Variants in NT5C2 observed in about 807,000 individuals in gnomAD.
NT5C2 encodes the protein 5'-nucleotidase, cytosolic II.
Under a neutral mutation model 76.1 loss-of-function variants are expected in NT5C2, and 58 were observed. The observed-to-expected ratio is 0.76, with a 90% CI of 0.62 to 0.95. The LOEUF (loss-of-function observed/expected upper bound fraction) is 0.95. Among genes scored for constraint, NT5C2 ranks in the 40% least tolerant of loss-of-function variants. The pLI, the probability that NT5C2 is intolerant of heterozygous loss-of-function variation, is 0.00. For synonymous variants in NT5C2, 229 were observed against 237.4 expected (o/e 0.96, Z 0.32); for missense variants, 478 against 690.3 (o/e 0.69, Z 3.45).
At position 103,176,543 on chromosome 10, in the gene NT5C2, G is replaced by A. The variant is rs143384775; in HGVS notation, c.-24-1561C>T. On this transcript the variant is annotated intron_variant, in intron 2 of 18. Coordinates refer to ENST00000404739, the MANE Select transcript of NT5C2 (RefSeq NM_001351169.2). ...TGCTGTGTCTGCTGGCACTTGGGCT[G>A]AAAAGGCCACTGCCTCATCTAGGTT... is the stretch of plus-strand genomic sequence containing the variant. 5.1e-3 allele frequency among the ~76,000 whole-genome samples: 779 copies of A among 152,318 alleles called. 1 individual carries two copies. Among genetic ancestry groups the A allele is most frequent in the Non-Finnish European group, 7.5e-3 (507 of 68,028 alleles).
chr10:103,090,970 C>A lies in NT5C2; in HGVS notation c.1238G>T (p.Arg413Leu). ...YKHLDSSSNE[R>L]PDISSIQRRI... is the part of the protein sequence containing the mutation. ...TCTCTGGATGGAACTGATGTCTGGA[C>A]GCTCATTGCTACTGCTGTCAAGATG... The change falls in exon 17 of 19, where the codon CGT becomes CTT. Residue 413 changes from arginine (R) to leucine (L), a missense_variant. Arg to Leu is a moderately radical substitution (Grantham distance 102). Coordinates refer to ENST00000404739, the MANE Select transcript of NT5C2 (RefSeq NM_001351169.2). 6.2e-7 allele frequency: 1 copy of A among 1,613,824 alleles called. No homozygotes were observed. Among genetic ancestry groups the A allele is most frequent in the East Asian group, 2.2e-5 (1 of 44,890 alleles).
At chr10:103,191,104 G>A (rs932131286) in intron 1 of NT5C2, among the ~76,000 whole-genome samples, 3 of 152,194 alleles carry the variant, frequency 2.0e-5, no homozygotes, top group Admixed American at 6.5e-5. Context: ...AGAGAATTAA[G>A]CAACAGGGTC....
intron 1 of NT5C2, among the ~76,000 whole-genome samples, chr10:103,184,818 TGTTCTCC>T (rs2091802256): frequency 6.6e-6 from 1 of 152,236 alleles, no homozygotes; most frequent in Non-Finnish European, 1.5e-5. Context: ...AAAGCTTCCT[TGTTCTCC>T]GAAGGAAAAA....
chr10:103,173,320 T>C (rs762201976), intron 3 of NT5C2, among the ~76,000 whole-genome samples: 67 of 152,056 alleles, frequency 4.4e-4, no homozygotes, highest in Non-Finnish European at 9.6e-4. Context: ...AAATATCAAT[T>C]AATAATTTCA....
rs999622324 is a variant in NT5C2, at chr10:103,111,603, G to A, written c.176-4897C>T. The A allele has an allele frequency of 2.1e-5, 10 of 487,434 alleles. 1 individual carries two copies. Among genetic ancestry groups the A allele is most frequent in the Admixed American group, 8.8e-5 (2 of 22,776 alleles). The allele number at this position is 487,434 out of a possible 1,614,324, so 30.2% of individuals were successfully genotyped here. A position where few individuals can be genotyped will look rare whatever the true frequency, so the allele number is the denominator to read the frequency against. On this transcript the variant is annotated intron_variant, in intron 4 of 18. Coordinates refer to ENST00000404739, the MANE Select transcript of NT5C2 (RefSeq NM_001351169.2). ...TGGAATGAGCAGAAAACTTTCTGCA[G>A]AGAAGTTTGGAATTCTCATGCACTT... is the stretch of plus-strand genomic sequence containing the variant.
intron 4 of NT5C2, among the ~76,000 whole-genome samples, chr10:103,126,727 A>T (rs1432592170): frequency 6.6e-6 from 1 of 152,248 alleles, no homozygotes; most frequent in African/African-American, 2.4e-5. Flanking sequence ...TTTCATATAT[A>T]AACTCATCTG....
chr10:103,172,105 G>T (rs1173518347), intron 3 of NT5C2, among the ~76,000 whole-genome samples: 1 of 151,972 alleles, frequency 6.6e-6, no homozygotes, highest in East Asian at 1.9e-4. Context: ...AGCTACTCGG[G>T]ACGGTGAGGC....
intron 2 of NT5C2, among the ~76,000 whole-genome samples, chr10:103,175,287 C>T (rs375557896): frequency 2.0e-5 from 3 of 152,162 alleles, no homozygotes; most frequent in Admixed American, 6.5e-5. Context: ...AACCACAGCA[C>T]AGCAGTTTGT....
At chr10:103,094,559 C>A in intron 12 of NT5C2, 104 bp from the exon 13 acceptor site, 1 of 677,008 alleles carries the variant, frequency 1.5e-6, no homozygotes, top group Non-Finnish European at 2.7e-6. Context: ...CTAAGTATAG[C>A]CAGAAGATCC....
At chr10:103,169,072 T>A (rs151054320) in intron 3 of NT5C2, among the ~76,000 whole-genome samples, 234 of 152,262 alleles carry the variant, frequency 1.5e-3, no homozygotes, top group African/African-American at 5.1e-3. Flanking sequence ...GATGACTACA[T>A]CATGATGAGT....
At chr10:103,105,023 T>C (rs538220175) in intron 6 of NT5C2, among the ~76,000 whole-genome samples, 1 of 152,274 alleles carries the variant, frequency 6.6e-6, no homozygotes, top group South Asian at 2.1e-4. Flanking sequence ...AGTTGTCAAA[T>C]TGTGGCATTA....
intron 4 of NT5C2, among the ~76,000 whole-genome samples, chr10:103,129,562 C>G (rs1480645352): frequency 1.0e-5 from 1 of 99,538 alleles, no homozygotes; most frequent in African/African-American, 4.3e-5. Flanking sequence ...CCGCCCCGTC[C>G]GGGAGGGAGG....
At chr10:103,112,313 GTCATTATCAAGATTCTAGTCA>G (rs1381514703) in intron 4 of NT5C2, among the ~76,000 whole-genome samples, 5 of 152,046 alleles carry the variant, frequency 3.3e-5, no homozygotes, top group Non-Finnish European at 5.9e-5. Flanking sequence ...TACTAGGTTA[GTCATTATCAAGATTCTAGTCA>G]TCATTATCAA....
At chr10:103,184,229 T>A (rs10748838) in intron 1 of NT5C2, among the ~76,000 whole-genome samples, 62,121 of 151,992 alleles carry the variant, frequency 0.41, 12,887 homozygotes, top group East Asian at 0.53. Context: ...TACAGGAATG[T>A]GCCACCGTGC....
At chr10:103,189,552 G>A (rs1305108177) in intron 1 of NT5C2, among the ~76,000 whole-genome samples, 3 of 148,242 alleles carry the variant, frequency 2.0e-5, no homozygotes, top group Admixed American at 2.0e-4. Flanking sequence ...GCTGCAGTGA[G>A]CCGAGATCGC....
intron 6 of NT5C2, chr10:103,105,449 G>C: frequency 1.5e-6 from 1 of 657,052 alleles, no homozygotes; most frequent in Non-Finnish European, 2.3e-6. Context: ...AAGTTCTTCT[G>C]GGCAAGTTTT....
Position 103,090,610 on chromosome 10 carries a change from C to T in NT5C2, c.1449+1G>A, listed in dbSNP as rs1236964752. ...GGCTGTCCATTACAGCTTTAACTCA[C>T]CAAGACATGGGCAGCCCTGAAGAGG... On this transcript the variant is annotated splice_donor_variant, in intron 18 of 18. Transcript: ENST00000404739. LOFTEE classifies it high-confidence loss of function. The T allele has an allele frequency of 1.2e-6, 2 of 1,611,952 alleles. No homozygotes were observed. Among genetic ancestry groups the T allele is most frequent in the Admixed American group, 1.7e-5 (1 of 59,802 alleles).
At chr10:103,137,292 T>C (rs748495803) in intron 4 of NT5C2, among the ~76,000 whole-genome samples, 9 of 152,318 alleles carry the variant, frequency 5.9e-5, no homozygotes, top group African/African-American at 2.2e-4. Context: ...TTCTGACAAG[T>C]GCTCCTAAAA....
At chr10:103,091,267 T>C (rs1053914147) in intron 16 of NT5C2, among the ~76,000 whole-genome samples, 3 of 152,124 alleles carry the variant, frequency 2.0e-5, no homozygotes, top group East Asian at 1.9e-4. Flanking sequence ...CTCAAACTTC[T>C]GGCCTCAAGC....
Sources: allele counts gnomAD v4.1 joint callset (sites outside exome capture counted in the v4.1 genomes callset), GRCh38; gene constraint gnomAD v4.1.1; transcripts MANE v1.5; gene names NCBI Gene and HGNC (gene_info 2026-07-23, HGNC 2026-07-21).